AATF: variants seen among roughly 807,000 people sequenced by gnomAD.
The protein encoded by AATF is apoptosis antagonizing transcription factor, also known as protein AATF.
A neutral mutation model predicts 63.7 loss-of-function variants in AATF; 48 were observed. The ratio of observed to expected loss-of-function variants is 0.75; its 90% confidence interval spans 0.60 to 0.96. The LOEUF (loss-of-function observed/expected upper bound fraction) is 0.96. AATF is among the 40% of genes least tolerant of loss of function. AATF has a pLI of 0.00. For synonymous variants in AATF, 258 were observed against 247.7 expected (o/e 1.04, Z -0.39); for missense variants, 639 against 685.7 (o/e 0.93, Z 0.76).
chr17:36,960,525 C>A (rs762153219), intron 4 of AATF, among the ~76,000 whole-genome samples: 1 of 152,168 alleles, frequency 6.6e-6, no homozygotes, highest in Non-Finnish European at 1.5e-5. Flanking sequence ...TGTACCCCTG[C>A]CGCCCAGTAC....
chr17:36,949,457 G>A (rs752402540), intron 1 of AATF, among the ~76,000 whole-genome samples: 18 of 152,280 alleles, frequency 1.2e-4, no homozygotes, highest in Non-Finnish European at 2.2e-4. Context: ...GGCTCAGGCC[G>A]AGAGGAGCTG....
chr17:37,006,704 G>A (rs1300250435), intron 8 of AATF, among the ~76,000 whole-genome samples: 1 of 152,216 alleles, frequency 6.6e-6, no homozygotes, highest in Non-Finnish European at 1.5e-5. Flanking sequence ...GGTCTGATGA[G>A]AAAGTTTTCT....
intron 11 of AATF, among the ~76,000 whole-genome samples, chr17:37,044,803 G>T (rs1243008653): frequency 6.6e-6 from 1 of 152,158 alleles, no homozygotes; most frequent in East Asian, 1.9e-4. Context: ...TTACAGCATA[G>T]TTCGTGTCGG....
In AATF at chr17:37,017,733, G is replaced by A. The variant is rs1242347990; in HGVS notation, c.1399-1272G>A. 3.3e-5 allele frequency among the ~76,000 whole-genome samples: 5 copies of A among 152,252 alleles called. No homozygotes were observed. In the East Asian group the frequency reaches 9.6e-4, roughly 29 times the overall value. On this transcript the variant is annotated intron_variant, in intron 8 of 11. Transcript: ENST00000619387. ...AAACATCATGGGAGGTTTTCTAATTGCAATTGAGATATCCTTTTCCCTTTT... is the reference window on the plus strand; with the variant it reads ...AAACATCATGGGAGGTTTTCTAATTACAATTGAGATATCCTTTTCCCTTTT...
intron 11 of AATF, among the ~76,000 whole-genome samples, chr17:37,037,436 A>C (rs1000811513): frequency 6.6e-6 from 1 of 152,206 alleles, no homozygotes; most frequent in African/African-American, 2.4e-5. Context: ...GCATATTATC[A>C]CCAGCAAGAG....
Position 37,041,341 on chromosome 17 carries a change from A to G in AATF, c.1619+9656A>G, listed in dbSNP as rs188935036. Among the ~76,000 whole-genome samples, 41 of 152,260 alleles carry G rather than the reference A, an allele frequency of 2.7e-4. 1 individual carries two copies. In the East Asian group the frequency reaches 4.8e-3, roughly 18 times the overall value. The stretch of plus-strand genomic sequence containing the variant: ...GTAGTGCTGCAGTGAACATATATAT[A>G]CAGAAATCTATGTTCTAGGTTTTGC... On this transcript the variant is annotated intron_variant, in intron 11 of 11. Transcript: ENST00000619387.
intron 4 of AATF, among the ~76,000 whole-genome samples, chr17:36,984,066 G>T (rs897710826): frequency 1.3e-5 from 2 of 152,212 alleles, no homozygotes; most frequent in African/African-American, 4.8e-5. Flanking sequence ...GTCTGCTCAT[G>T]CTGGACAGGG....
chr17:36,992,660 G>A (rs541870411), intron 8 of AATF, among the ~76,000 whole-genome samples: 24 of 146,238 alleles, frequency 1.6e-4, no homozygotes, highest in Non-Finnish European at 1.9e-4. Context: ...AAAAGAAATA[G>A]CATTACTTGA....
chr17:36,977,633 T>G (rs916517117), intron 4 of AATF, among the ~76,000 whole-genome samples: 57 of 152,174 alleles, frequency 3.7e-4, no homozygotes, highest in Non-Finnish European at 6.9e-4. Context: ...AAGTAATATA[T>G]GCTTATAAAA....
chr17:36,965,421 A>T (rs1201101788), intron 4 of AATF, among the ~76,000 whole-genome samples: 1 of 152,202 alleles, frequency 6.6e-6, no homozygotes, highest in Non-Finnish European at 1.5e-5. Context: ...CCTTGAGATC[A>T]CATTGGACCA....
chr17:36,997,252 A>G (rs1170043492), intron 8 of AATF, among the ~76,000 whole-genome samples: 1 of 152,198 alleles, frequency 6.6e-6, no homozygotes, highest in East Asian at 1.9e-4. Flanking sequence ...TATCGGAAAA[A>G]TGATTTAGCA....
intron 4 of AATF, among the ~76,000 whole-genome samples, chr17:36,981,918 A>G (rs2071128789): frequency 6.6e-6 from 1 of 151,864 alleles, no homozygotes; most frequent in Non-Finnish European, 1.5e-5. Flanking sequence ...GTAGTGTTAA[A>G]TATATTCACA....
At position 36,950,292 on chromosome 17, in the gene AATF, G is replaced by C. The variant is rs1300402162; in HGVS notation, c.170G>C (p.Arg57Thr). Residue 57 changes from arginine (R) to threonine (T), a missense_variant, in exon 2 of 12, where the codon AGA becomes ACA. Physicochemically the swap from Arg to Thr is moderately conservative, Grantham distance 71. Transcript: ENST00000619387. ...EGDFLVVGSI[R>T]KLASASLLDT... ...GATTTCCTAGTAGTGGGTAGCATTA[G>C]AAAACTGGCATCAGCCTCCCTCTTG... The C allele has an allele frequency of 1.7e-5, 28 of 1,614,052 alleles. No individual in the cohort carries two copies. The highest frequency in any genetic ancestry group is 2.3e-5 in the Non-Finnish European group (27 of 1,180,050).
intron 4 of AATF, among the ~76,000 whole-genome samples, chr17:36,968,556 G>T (rs113076483): frequency 7.3e-5 from 11 of 151,666 alleles, no homozygotes; most frequent in African/African-American, 2.7e-4. Context: ...GATTATAGGC[G>T]TAAGCTACCG....
intron 4 of AATF, among the ~76,000 whole-genome samples, chr17:36,978,094 A>G (rs765062846): frequency 3.3e-5 from 5 of 152,166 alleles, no homozygotes; most frequent in Admixed American, 2.6e-4. Context: ...AATGCACACT[A>G]TCTATCATGT....
At chr17:37,003,759 G>A (rs1225261262) in intron 8 of AATF, among the ~76,000 whole-genome samples, 1 of 151,432 alleles carries the variant, frequency 6.6e-6, no homozygotes, top group Non-Finnish European at 1.5e-5. Context: ...GAGCCACCAT[G>A]TCTGACCAAC....
At chr17:37,010,322 G>A (rs2071380801) in intron 8 of AATF, among the ~76,000 whole-genome samples, 1 of 152,138 alleles carries the variant, frequency 6.6e-6, no homozygotes, top group East Asian at 1.9e-4. Flanking sequence ...GCCGGGCGTG[G>A]TGGTGGGTGC....
At chr17:36,997,719 A>T (rs1465827321) in intron 8 of AATF, among the ~76,000 whole-genome samples, 1 of 152,372 alleles carries the variant, frequency 6.6e-6, no homozygotes, top group Non-Finnish European at 1.5e-5. Flanking sequence ...CAATCTCACT[A>T]CTGGGTATCT....
intron 11 of AATF, among the ~76,000 whole-genome samples, chr17:37,050,803 T>C (rs957635443): frequency 6.6e-6 from 1 of 151,870 alleles, no homozygotes; most frequent in African/African-American, 2.4e-5. Flanking sequence ...GTGGGAGAGG[T>C]AGAGGATTAG....
Sources: gnomAD v4.1 joint callset for allele counts (sites outside exome capture counted in the v4.1 genomes callset) on GRCh38, gnomAD v4.1.1 for gene constraint, MANE v1.5 for transcripts, NCBI Gene and HGNC (gene_info 2026-07-23, HGNC 2026-07-21) for gene names.